ARID1B: variants seen among roughly 807,000 people sequenced by gnomAD.
ARID1B encodes AT-rich interaction domain 1B.
In ARID1B, 30 loss-of-function variants were observed where a neutral mutation model predicts 212.3. The ratio of observed to expected loss-of-function variants is 0.14; its 90% CI spans 0.11 to 0.19. The LOEUF (loss-of-function observed/expected upper bound fraction) is 0.19, where lower values mean the gene tolerates loss of function less well. ARID1B is among the 10% of genes least tolerant of loss of function. ARID1B has a pLI of 1.00. For synonymous variants in ARID1B, 1,402 were observed against 1,301.7 expected (o/e 1.08, Z -1.66); for missense variants, 2,891 against 3,204.0 (o/e 0.90, Z 2.36).
At chr6:156,837,848 C>T (rs1258533417) in intron 2 of ARID1B, among the ~76,000 whole-genome samples, 3 of 152,166 alleles carry the variant, frequency 2.0e-5, no homozygotes, top group African/African-American at 4.8e-5. Context: ...CCTCAGGCCT[C>T]GAGAGCAACT....
At chr6:157,188,464 T>A (rs1225305545) in intron 13 of ARID1B, among the ~76,000 whole-genome samples, 4 of 152,226 alleles carry the variant, frequency 2.6e-5, no homozygotes, top group African/African-American at 7.2e-5. Context: ...CAGTGTCCTC[T>A]GTAACCTCTC....
Position 157,084,902 on chromosome 6 carries a change from C to G in ARID1B, c.2488C>G (p.Pro830Ala), listed in dbSNP as rs2128463489. ...RSGPISPASI[P>A]GSQMPPQPPG... ...TGGCCCAATCTCTCCTGCAAGTATC[C>G]CAGGTATTTACTTTCCTGACAATTA... The change falls in exon 5 of 20, where the codon CCA becomes GCA. Residue 830 changes from proline to alanine, a missense_variant. Around this residue, in one of 7 missense-constraint regions of ARID1B, gnomAD observed 1,643 missense variants for 1,544.0 expected, o/e 1.06. Transcript: ENST00000636930. The G allele has an allele frequency of 6.2e-7, 1 of 1,605,074 alleles. No homozygotes were observed. The highest frequency in any genetic ancestry group is 8.5e-7 in the Non-Finnish European group (1 of 1,175,364).
intron 1 of ARID1B, among the ~76,000 whole-genome samples, chr6:156,809,828 G>T (rs1781443206): frequency 6.6e-6 from 1 of 152,102 alleles, no homozygotes; most frequent in East Asian, 1.9e-4. Context: ...AGCGGGCCTT[G>T]GTTCTGACAT....
chr6:157,078,759 A>G (rs1294383098), intron 4 of ARID1B, among the ~76,000 whole-genome samples: 1 of 152,214 alleles, frequency 6.6e-6, no homozygotes, highest in Non-Finnish European at 1.5e-5. Flanking sequence ...TTTATCTAAA[A>G]TGGTATGCCT....
chr6:156,803,598 T>C (rs909350205), intron 1 of ARID1B, among the ~76,000 whole-genome samples: 1 of 152,018 alleles, frequency 6.6e-6, no homozygotes, highest in African/African-American at 2.4e-5. Flanking sequence ...GTTTTCATGG[T>C]GTGTTTTTTT....
intron 6 of ARID1B, among the ~76,000 whole-genome samples, chr6:157,116,139 G>A (rs1787308903): frequency 6.6e-6 from 1 of 152,122 alleles, no homozygotes; most frequent in African/African-American, 2.4e-5. Flanking sequence ...AGTCTTGGAG[G>A]AAATACGGAA....
At chr6:156,945,100 TA>T (rs201136066) in intron 4 of ARID1B, among the ~76,000 whole-genome samples, 24,760 of 102,658 alleles carry the variant, frequency 0.24, 2,613 homozygotes, top group East Asian at 0.3. Flanking sequence ...TTTTTTTGTA[TA>T]TTTTTTTTTT....
At chr6:156,934,942 A>ATAAT (rs1161076650) in intron 3 of ARID1B, among the ~76,000 whole-genome samples, 1 of 87,052 alleles carries the variant, frequency 1.1e-5, no homozygotes, top group Non-Finnish European at 2.6e-5. Context: ...ATATATATAT[A>ATAAT]TATATATATA....
At position 157,171,207 on chromosome 6, in the gene ARID1B, C is replaced by G. The variant is rs575469300; in HGVS notation, c.3236-2801C>G. 2.0e-5 allele frequency among the ~76,000 whole-genome samples: 3 copies of G among 152,338 alleles called. No individual in the cohort carries two copies. In the East Asian group the frequency reaches 5.8e-4, roughly 29 times the overall value. On this transcript the variant is annotated intron_variant, in intron 9 of 19. Transcript: ENST00000636930. ...TTGACCCACACTTACTTTAAGAAAT[C>G]GTTCTAGTTCTTAAATTTCAATGGT...
At chr6:157,008,550 C>T (rs1779377306) in intron 4 of ARID1B, among the ~76,000 whole-genome samples, 1 of 152,208 alleles carries the variant, frequency 6.6e-6, no homozygotes, top group Admixed American at 6.5e-5. Context: ...TTCAGCTTAA[C>T]TCAGACATCA....
chr6:156,847,914 C>G (rs1016406031), intron 2 of ARID1B, among the ~76,000 whole-genome samples: 12 of 152,084 alleles, frequency 7.9e-5, no homozygotes, highest in African/African-American at 2.9e-4. Flanking sequence ...ATAAATAAAA[C>G]AGTCAGAGCA....
chr6:157,025,044 C>T (rs1383765207), intron 4 of ARID1B, among the ~76,000 whole-genome samples: 1 of 152,184 alleles, frequency 6.6e-6, no homozygotes, highest in African/African-American at 2.4e-5. Context: ...TTGAAGTTGA[C>T]ATTTATATGT....
At chr6:157,051,046 G>T (rs991708365) in intron 4 of ARID1B, among the ~76,000 whole-genome samples, 17 of 152,214 alleles carry the variant, frequency 1.1e-4, no homozygotes, top group African/African-American at 3.9e-4. Context: ...TTTATTCTGC[G>T]CATTTGCAGG....
At chr6:156,844,296 T>A (rs1367285184) in intron 2 of ARID1B, among the ~76,000 whole-genome samples, 3 of 152,250 alleles carry the variant, frequency 2.0e-5, no homozygotes, top group African/African-American at 7.2e-5. Flanking sequence ...TCTTCATACT[T>A]GGAGCAAGCG....
At chr6:157,060,814 T>C (rs1783298350) in intron 4 of ARID1B, among the ~76,000 whole-genome samples, 2 of 152,144 alleles carry the variant, frequency 1.3e-5, no homozygotes, top group Non-Finnish European at 2.9e-5. Context: ...TCTCAGCTTC[T>C]CTGAGCTGTC....
At chr6:157,018,777 A>G (rs1780056967) in intron 4 of ARID1B, among the ~76,000 whole-genome samples, 1 of 152,196 alleles carries the variant, frequency 6.6e-6, no homozygotes, top group South Asian at 2.1e-4. Flanking sequence ...CAATGGATGG[A>G]CCTTGCCTTC....
intron 5 of ARID1B, among the ~76,000 whole-genome samples, chr6:157,098,829 G>C (rs1223992976): frequency 6.6e-6 from 1 of 152,204 alleles, no homozygotes; most frequent in African/African-American, 2.4e-5. Context: ...GCCACCCTGA[G>C]AGTTGTGCCT....
At position 157,196,241 on chromosome 6, in the gene ARID1B, T is replaced by C. The variant is rs1793714109; in HGVS notation, c.4308T>C (p.Ser1436=). Residue 1436 remains serine (S), a synonymous_variant, in exon 16 of 20, where the codon AGT becomes AGC. Transcript: ENST00000636930. ...NSSMQDMYNQ[S]PSGAMSNLGM... ...GCATGCAGGACATGTACAACCAAAGTCCCTCCGGAGCAATGTCTAACCTGG... is the reference window on the plus strand; with the variant it reads ...GCATGCAGGACATGTACAACCAAAGCCCCTCCGGAGCAATGTCTAACCTGG... The C allele has an allele frequency of 3.7e-6, 6 of 1,613,270 alleles. No individual in the cohort carries two copies. In the East Asian group the frequency reaches 1.3e-4, roughly 36 times the overall value.
At chr6:156,846,692 G>A (rs576598684) in intron 2 of ARID1B, among the ~76,000 whole-genome samples, 21 of 152,254 alleles carry the variant, frequency 1.4e-4, no homozygotes, top group Middle Eastern at 6.8e-3. Context: ...GCTGGAGGCT[G>A]ACTGGGGGAC....
Sources: gnomAD v4.1 joint callset for allele counts (sites outside exome capture counted in the v4.1 genomes callset) on GRCh38, gnomAD v4.1.1 for gene constraint, gnomAD v4.1.1 regional missense constraint, MANE v1.5 for transcripts, NCBI Gene and HGNC (gene_info 2026-07-23, HGNC 2026-07-21) for gene names.